ELK1: variants seen among roughly 807,000 people sequenced by gnomAD.
The protein encoded by ELK1 is ETS transcription factor ELK1, also known as ETS domain-containing protein Elk-1.
For missense variants in ELK1, 254 were observed against 381.5 expected (o/e 0.67, Z 2.78); for synonymous variants, 163 against 176.3 (o/e 0.92, Z 0.60).
chrX:47,637,244 C>A, intron 5 of ELK1, 130 bp from the exon 6 acceptor site: 1 of 630,032 alleles, frequency 1.6e-6, no homozygotes, highest in Non-Finnish European at 2.5e-6. Flanking sequence ...AGTGCACACA[C>A]CTAGATGGTA....
intron 3 of ELK1, among the ~76,000 whole-genome samples, chrX:47,640,700 A>G (rs2058025596): frequency 8.9e-6 from 1 of 111,955 alleles, no homozygotes; most frequent in African/African-American, 3.3e-5. Flanking sequence ...TAGCTTAAGG[A>G]ATAAGAGAAG....
At position 47,636,767 on chromosome X, in the gene ELK1, G is replaced by T; in HGVS notation, c.*62C>A. On this transcript the variant is annotated 3_prime_UTR_variant, in exon 7 of 7. Coordinates refer to ENST00000376983, the MANE Select transcript of ELK1 (RefSeq NM_001114123.3). ...TTGAACTATGTTTCTCCTTGAGATG[G>T]CTGGCTGGAGAGAGCATGGATGGAG... 1.0e-6 allele frequency: 1 copy of T among 991,303 alleles called. No homozygotes were observed. Among genetic ancestry groups the T allele is most frequent in the Non-Finnish European group, 1.3e-6 (1 of 741,358 alleles). The allele number at this position is 991,303 out of a possible 1,213,427, so 81.7% of individuals were successfully genotyped here. A position where few individuals can be genotyped will look rare whatever the true frequency, so the allele number is the denominator to read the frequency against.
chrX:47,647,344 T>C (rs1225891742), intron 2 of ELK1, among the ~76,000 whole-genome samples: 1 of 110,650 alleles, frequency 9.0e-6, no homozygotes, highest in Non-Finnish European at 1.9e-5. Flanking sequence ...TGTATTTTAG[T>C]AGAGATGGGG....
intron 2 of ELK1, among the ~76,000 whole-genome samples, chrX:47,648,334 T>C (rs917527542): frequency 3.6e-5 from 4 of 112,238 alleles, no homozygotes; most frequent in Non-Finnish European, 7.5e-5. Context: ...CATATACAAC[T>C]AGCACTCTTA....
In ELK1 at chrX:47,650,497, G is replaced by A. The variant is rs2058058762; in HGVS notation, c.-215C>T. On this transcript the variant is annotated 5_prime_UTR_variant, in exon 1 of 7. Transcript: ENST00000376983. ...CGGGGGCTCCATACGCGGCCCCACC[G>A]CCCCCCAGGCCTGGGTTCCGAGGCG... 6.2e-6 allele frequency: 2 copies of A among 321,613 alleles called. No homozygotes were observed. The highest frequency in any genetic ancestry group is 5.7e-5 in the African/African-American group (2 of 35,005). 26.5% of individuals were successfully genotyped at this position (321,613 alleles called of 1,213,427 possible). A position where few individuals can be genotyped will look rare whatever the true frequency, so the allele number is the denominator to read the frequency against.
chrX:47,649,571 TAC>T (rs1419153819), intron 2 of ELK1, among the ~76,000 whole-genome samples: 7 of 109,501 alleles, frequency 6.4e-5, no homozygotes, highest in Non-Finnish European at 1.1e-4. Context: ...CAGAAAACCT[TAC>T]AGACTCCTGC....
chrX:47,650,387 G>C (rs756187724), intron 1 of ELK1, 36 bp downstream of exon 1: 1 of 303,542 alleles, frequency 3.3e-6, no homozygotes, highest in African/African-American at 2.9e-5. Flanking sequence ...GTGGGGTCAC[G>C]GACTGGGCCC....
rs1023924488 is a variant in ELK1 at position 47,637,895 on chromosome X, C to T, written c.942G>A (p.Arg314=). The T allele has an allele frequency of 3.3e-6, 4 of 1,203,570 alleles. No individual in the cohort carries two copies. The highest frequency in any genetic ancestry group is 4.5e-6 in the Non-Finnish European group (4 of 892,470). The part of the protein sequence containing the change: ...SPEISQPQKG[R]KPRDLELPLS... ...GTGGAAGCTCTAGGTCCCGGGGCTT[C>T]CGGCCCTTCTGCGGCTGGGAGATCT... Residue 314 remains arginine (R), a synonymous_variant, in exon 5 of 7, where the codon CGG becomes CGA. Coordinates refer to ENST00000376983, the MANE Select transcript of ELK1 (RefSeq NM_001114123.3).
At chrX:47,646,555 TG>T (rs2058044032) in intron 2 of ELK1, among the ~76,000 whole-genome samples, 1 of 112,761 alleles carries the variant, frequency 8.9e-6, no homozygotes, top group Non-Finnish European at 1.9e-5. Flanking sequence ...ACCTCAGTTT[TG>T]TGAACATATC....
At chrX:47,639,392 G>A in intron 3 of ELK1, 54 bp from the exon 4 acceptor site, 1 of 1,049,942 alleles carries the variant, frequency 9.5e-7, no homozygotes, top group Non-Finnish European at 1.3e-6. Flanking sequence ...CAGGCTGGAG[G>A]CAGGGTGTCA....
At position 47,636,816 on chromosome X, in the gene ELK1, G is replaced by C. The variant is rs755479330; in HGVS notation, c.*13C>G. ...AGTGACCCCAGAAGGGGTGGTGGTG[G>C]TGGTGGTAGTAGTCATGGCTTCTGG... On this transcript the variant is annotated 3_prime_UTR_variant, in exon 7 of 7. Transcript: ENST00000376983. The C allele has an allele frequency of 4.4e-6, 5 of 1,127,352 alleles. No individual in the cohort carries two copies. In the East Asian group the frequency reaches 1.3e-4, roughly 30 times the overall value. The allele number at this position is 1,127,352 out of a possible 1,213,427, so 92.9% of individuals were successfully genotyped here.
intron 4 of ELK1, 46 bp from the exon 5 acceptor site, chrX:47,638,228 A>T (rs1273410626): frequency 8.5e-7 from 1 of 1,179,542 alleles, no homozygotes; most frequent in Non-Finnish European, 1.1e-6. Context: ...GATTGTTGGG[A>T]CCACAGGATT....
intron 3 of ELK1, among the ~76,000 whole-genome samples, chrX:47,640,307 G>A (rs2058024191): frequency 9.0e-6 from 1 of 111,339 alleles, no homozygotes; most frequent in Non-Finnish European, 1.9e-5. Flanking sequence ...TATGAAGGGT[G>A]TGCAGCATAT....
chrX:47,638,309 A>AGT, intron 4 of ELK1, 127 bp from the exon 5 acceptor site: 2 of 841,267 alleles, frequency 2.4e-6, no homozygotes, highest in Non-Finnish European at 3.4e-6. Context: ...TGCACATCAG[A>AGT]GCAAGTCCTC....
chrX:47,641,034 C>T (rs112517277), intron 3 of ELK1, among the ~76,000 whole-genome samples, 198 bp downstream of exon 3: 7 of 111,403 alleles, frequency 6.3e-5, no homozygotes, highest in East Asian at 2.8e-4. Flanking sequence ...TGGTGGTTTT[C>T]GCCAAAGCAG....
chrX:47,638,423 C>CT (rs1322485610), intron 4 of ELK1, among the ~76,000 whole-genome samples: 1 of 112,569 alleles, frequency 8.9e-6, no homozygotes, highest in East Asian at 2.8e-4. Context: ...GGGTAGGAAT[C>CT]TGAGGGATAC....
At chrX:47,637,246 T>C (rs1430006238) in intron 5 of ELK1, 132 bp from the exon 6 acceptor site, 9 of 623,046 alleles carry the variant, frequency 1.4e-5, no homozygotes, top group Non-Finnish European at 2.3e-5. Context: ...TGCACACACC[T>C]AGATGGTAAC....
rs779837119 is a variant in ELK1 at position 47,638,910 on chromosome X, G to C, written c.639C>G (p.Ala213=). 2.4e-5 allele frequency: 29 copies of C among 1,202,454 alleles called. No individual in the cohort carries two copies. Among genetic ancestry groups the C allele is most frequent in the Admixed American group, 4.4e-5 (2 of 44,988 alleles). Residue 213 remains alanine, a synonymous_variant, in exon 4 of 7, where the codon GCC becomes GCG. Transcript: ENST00000376983. ...PLEACLEAEE[A]GLPLQVILTP... is the part of the protein sequence containing the mutation. ...CAGTCCTTACCTGCAGAGGCAAGCC[G>C]GCCTCTTCAGCCTCCAGACAGGCCT...
rs941683653 is a variant in ELK1 at position 47,641,488 on chromosome X, C to T, written c.-34-13G>A. ...ATCCCAGGGGTACCTGGAGAGCAAA[C>T]AGCTGAGTTGAGAGGCTGTGGACAT... is the stretch of plus-strand genomic sequence containing the variant. On this transcript the variant is annotated splice_polypyrimidine_tract_variant and intron_variant, in intron 2 of 6. Transcript: ENST00000376983. 2 of 1,157,303 alleles carry T rather than the reference C, an allele frequency of 1.7e-6. No individual in the cohort carries two copies. Among genetic ancestry groups the T allele is most frequent in the African/African-American group, 3.6e-5 (2 of 55,977 alleles).
Sources: gnomAD v4.1 joint callset for allele counts (sites outside exome capture counted in the v4.1 genomes callset) on GRCh38, gnomAD v4.1.1 for gene constraint, MANE v1.5 for transcripts, NCBI Gene and HGNC (gene_info 2026-07-23, HGNC 2026-07-21) for gene names.